The following CNOT10 variants were observed in gnomAD, a reference collection of about 807,000 sequenced individuals.
The protein encoded by CNOT10 is CCR4-NOT transcription complex, subunit 10.
CNOT10 carries 30 observed loss-of-function variants against 94.6 expected under a neutral mutation model. The ratio of observed to expected loss-of-function variants is 0.32; its 90% CI spans 0.24 to 0.43. The LOEUF (loss-of-function observed/expected upper bound fraction) is 0.43. Ranked by LOEUF, CNOT10 falls within the 20% of genes least tolerant of loss-of-function variation. The probability of loss-of-function intolerance (pLI) is 1.00; values close to 1 mark genes in which losing one functional copy is unlikely to be tolerated. For missense variants in CNOT10, 759 were observed against 877.2 expected (o/e 0.87, Z 1.70); for synonymous variants, 289 against 301.6 (o/e 0.96, Z 0.43).
chr3:32,720,076 A>G, intron 7 of CNOT10, 38 bp from the exon 8 acceptor site: 1 of 1,151,568 alleles, frequency 8.7e-7, no homozygotes, highest in Non-Finnish European at 1.2e-6. Context: ...TAGGCGTCTG[A>G]AAACAAATTA....
chr3:32,696,857 C>T (rs975075058), intron 1 of CNOT10, among the ~76,000 whole-genome samples: 5 of 152,156 alleles, frequency 3.3e-5, no homozygotes, highest in African/African-American at 4.8e-5. Context: ...GGATTACAGG[C>T]GTGAGCCAGT....
At chr3:32,727,933 TAAA>T (rs60100965) in intron 10 of CNOT10, 63 bp downstream of exon 10, 297 of 770,184 alleles carry the variant, frequency 3.9e-4, no homozygotes, top group South Asian at 6.7e-4. Context: ...ATGGAATGGT[TAAA>T]AAAAAAAAAA....
chr3:32,760,996 G>T (rs1700419595), intron 14 of CNOT10, among the ~76,000 whole-genome samples: 1 of 151,926 alleles, frequency 6.6e-6, no homozygotes, highest in African/African-American at 2.4e-5. Context: ...GGGCATGGGG[G>T]CACACTCCTG....
In CNOT10 at chr3:32,773,482, C is replaced by T. The variant is rs754344280; in HGVS notation, c.2106C>T (p.Ile702=). 2 of 1,613,444 alleles carry T rather than the reference C, an allele frequency of 1.2e-6. No individual in the cohort carries two copies. Among genetic ancestry groups the T allele is most frequent in the African/African-American group, 2.7e-5 (2 of 74,996 alleles). ...QNGNTQLALQ[I]IKRNQLLPAV... ...GTAATACTCAGCTGGCCTTACAGAT[C>T]ATCAAAAGGAATCAGCTGCTCCCTG... Residue 702 remains isoleucine (I), a synonymous_variant, in exon 19 of 19, where the codon ATC becomes ATT. Transcript: ENST00000328834.
At chr3:32,727,608 T>G (rs1323489188) in intron 9 of CNOT10, 60 bp from the exon 10 acceptor site, 4 of 1,117,484 alleles carry the variant, frequency 3.6e-6, no homozygotes, top group Non-Finnish European at 5.4e-6. Context: ...GAGTAAATGT[T>G]TTCAAGGTTA....
Position 32,704,923 on chromosome 3 carries a change from AAAC to A in CNOT10, c.238_240del (p.Thr80del). ...GTAGCTGAGTTTTTTAAAAGTAACC[AAAC>A]AACAACAGATAATTTGAGACAAACA... is the stretch of plus-strand genomic sequence containing the variant. On this transcript the variant is annotated inframe_deletion, in exon 3 of 19. Coordinates refer to ENST00000328834, the MANE Select transcript of CNOT10 (RefSeq NM_015442.3). 6.4e-7 allele frequency: 1 copy of A among 1,561,252 alleles called. No homozygotes were observed. Among genetic ancestry groups the A allele is most frequent in the Non-Finnish European group, 8.6e-7 (1 of 1,164,174 alleles).
chr3:32,761,911 T>C (rs924237393), intron 14 of CNOT10, among the ~76,000 whole-genome samples: 2 of 151,492 alleles, frequency 1.3e-5, no homozygotes, highest in Non-Finnish European at 2.9e-5. Flanking sequence ...TAGCTGGGAT[T>C]ACAGGCATGC....
intron 1 of CNOT10, among the ~76,000 whole-genome samples, chr3:32,689,388 A>G (rs370396406): frequency 6.6e-6 from 1 of 151,862 alleles, no homozygotes. Flanking sequence ...AAAAAAGAAT[A>G]GAGGATGACT....
At chr3:32,741,957 T>A (rs567769458) in intron 13 of CNOT10, among the ~76,000 whole-genome samples, 13 of 151,878 alleles carry the variant, frequency 8.6e-5, no homozygotes, top group African/African-American at 2.9e-4. Context: ...TGTTGTAGGT[T>A]TTTATTTTAT....
chr3:32,724,238 T>C (rs765301861), intron 8 of CNOT10, among the ~76,000 whole-genome samples: 108 of 136,180 alleles, frequency 7.9e-4, no homozygotes, highest in Non-Finnish European at 1.4e-3. Flanking sequence ...TACTCTGTTC[T>C]GTTCCTTTTT....
chr3:32,686,916 TC>T (rs1343285863), intron 1 of CNOT10, among the ~76,000 whole-genome samples: 2 of 152,168 alleles, frequency 1.3e-5, no homozygotes, highest in Non-Finnish European at 2.9e-5. Flanking sequence ...TATGACACAC[TC>T]CCTGCCTTTG....
intron 8 of CNOT10, among the ~76,000 whole-genome samples, chr3:32,722,187 T>G (rs1283227122): frequency 6.6e-6 from 1 of 151,970 alleles, no homozygotes; most frequent in African/African-American, 2.4e-5. Flanking sequence ...TTTTGTCTTG[T>G]TTTTTTTGGA....
intron 12 of CNOT10, among the ~76,000 whole-genome samples, chr3:32,736,250 C>T (rs1251915881): frequency 6.6e-6 from 1 of 151,978 alleles, no homozygotes; most frequent in Non-Finnish European, 1.5e-5. Flanking sequence ...CTATGCCCGG[C>T]TAATTTTTGT....
intron 13 of CNOT10, among the ~76,000 whole-genome samples, chr3:32,750,598 G>A (rs1699922006): frequency 6.6e-6 from 1 of 151,944 alleles, no homozygotes; most frequent in African/African-American, 2.4e-5. Context: ...TGTTGCCCAG[G>A]CTGGAGTGCA....
intron 1 of CNOT10, among the ~76,000 whole-genome samples, chr3:32,691,795 C>T (rs958254577): frequency 2.0e-5 from 3 of 152,152 alleles, no homozygotes; most frequent in Admixed American, 2.0e-4. Flanking sequence ...GCGCCTCACG[C>T]CTGTAATCCC....
chr3:32,698,389 C>T (rs1223537267), intron 1 of CNOT10, among the ~76,000 whole-genome samples: 3 of 151,890 alleles, frequency 2.0e-5, no homozygotes, highest in South Asian at 2.1e-4. Flanking sequence ...TACAGTATTA[C>T]GTTGTTATAA....
intron 1 of CNOT10, among the ~76,000 whole-genome samples, chr3:32,688,276 AAAAT>A (rs1356349720): frequency 6.6e-6 from 1 of 152,198 alleles, no homozygotes; most frequent in Non-Finnish European, 1.5e-5. Flanking sequence ...AATAAAATGA[AAAAT>A]AAGATGATTT....
At chr3:32,748,828 G>T (rs555464434) in intron 13 of CNOT10, among the ~76,000 whole-genome samples, 3 of 147,966 alleles carry the variant, frequency 2.0e-5, no homozygotes, top group South Asian at 2.2e-4. Flanking sequence ...TGTTTTTGTG[G>T]TTTTTTTGTT....
At chr3:32,704,508 C>T (rs1220172901) in intron 2 of CNOT10, among the ~76,000 whole-genome samples, 2 of 152,070 alleles carry the variant, frequency 1.3e-5, no homozygotes, top group South Asian at 2.1e-4. Flanking sequence ...TATTACCTTT[C>T]TTGACTAGCC....
Sources: allele counts gnomAD v4.1 joint callset (sites outside exome capture counted in the v4.1 genomes callset), GRCh38; gene constraint gnomAD v4.1.1; transcripts MANE v1.5; gene names NCBI Gene and HGNC (gene_info 2026-07-23, HGNC 2026-07-21).